The following COX11 variants were observed in gnomAD, a reference collection of about 807,000 sequenced individuals.
The protein encoded by COX11 is cytochrome c oxidase copper chaperone COX11, also known as cytochrome c oxidase assembly protein COX11, mitochondrial.
Under a neutral mutation model 29.4 loss-of-function variants are expected in COX11, and 18 were observed. The observed-to-expected ratio is 0.61, with a 90% CI of 0.42 to 0.91. The LOEUF is 0.91. COX11 is among the 40% of genes least tolerant of loss of function. The pLI is 0.00. For missense variants in COX11, 312 were observed against 346.0 expected (o/e 0.90, Z 0.78); for synonymous variants, 131 against 124.0 (o/e 1.06, Z -0.38).
exon 1 of COX11, chr17:54,955,145 T>G (rs2049431982): frequency 6.6e-6 from 1 of 152,196 alleles, no homozygotes; most frequent in Non-Finnish European, 1.5e-5. Context: ...ACAACTCAGC[T>G]TGAATACTTC....
chr17:54,963,150 T>C (rs2077159651), intron 3 of COX11, 156 bp downstream of exon 3: 1 of 881,610 alleles, frequency 1.1e-6, no homozygotes, highest in Admixed American at 3.1e-5. Flanking sequence ...TGGTTCTCAA[T>C]CTCTGCATAG....
chr17:54,968,746 C>G, upstream of COX11: 1 of 1,402,260 alleles, frequency 7.1e-7, no homozygotes, highest in African/African-American at 1.4e-5. Flanking sequence ...CTGCCGCTGC[C>G]TTGGCTACCA....
intron 1 of COX11, among the ~76,000 whole-genome samples, chr17:54,966,874 AAAG>A (rs1221740223): frequency 6.6e-6 from 1 of 152,114 alleles, no homozygotes; most frequent in African/African-American, 2.4e-5. Flanking sequence ...TCATCATCTA[AAAG>A]AAAGGTAAAT....
At chr17:54,956,447 AAGCATGTGCCAC>A (rs1389977513), downstream of COX11, among the ~76,000 whole-genome samples, 2 of 151,956 alleles carry the variant, frequency 1.3e-5, no homozygotes, top group Admixed American at 1.3e-4. Context: ...TGGGGACTAC[AAGCATGTGCCAC>A]CACGCCTGGC....
In COX11 at chr17:54,960,476, C is replaced by A; in HGVS notation, c.*2257G>T. 2 of 933,430 alleles carry A rather than the reference C, an allele frequency of 2.1e-6. No individual in the cohort carries two copies. Among genetic ancestry groups the A allele is most frequent in the Admixed American group, 1.8e-5 (1 of 56,426 alleles). The allele number at this position is 933,430 out of a possible 1,614,324, so 57.8% of individuals were successfully genotyped here. On this transcript the variant is annotated 3_prime_UTR_variant, in exon 4 of 4. Coordinates refer to ENST00000299335, the MANE Select transcript of COX11 (RefSeq NM_004375.5). ...TGTAGCCTGAACTCCAAAACCAGCT[C>A]AATTTTTAATTACAGTGCTGGCAGT...
At chr17:54,964,305 C>T (rs1424097729) in intron 2 of COX11, among the ~76,000 whole-genome samples, 1 of 152,100 alleles carries the variant, frequency 6.6e-6, no homozygotes, top group East Asian at 1.9e-4. Flanking sequence ...TGATATAAAC[C>T]AGTAAACTAC....
chr17:54,953,383 C>G (rs1448814913), exon 1 of COX11: 1 of 152,256 alleles, frequency 6.6e-6, no homozygotes, highest in African/African-American at 2.4e-5. Context: ...GAAAAAAAAT[C>G]CAACTGGTTG....
chr17:54,968,627 G>C lies in COX11; in HGVS notation c.20C>G (p.Pro7Arg). The change falls in exon 1 of 4, where the codon CCT (proline) becomes CGT (arginine). Residue 7 changes from proline (P) to arginine (R), a missense_variant. By Grantham distance (103) the Pro-to-Arg change is moderately radical. Coordinates refer to ENST00000299335, the MANE Select transcript of COX11 (RefSeq NM_004375.5). The part of the protein sequence containing the change: MGGLWR[P>R]GWRCVPFCGW... ...ACAGAAAGGAACGCACCTCCATCCA[G>C]GACGCCAGAGCCCTCCCATAACCCT... 6.2e-7 allele frequency: 1 copy of C among 1,612,664 alleles called. No individual in the cohort carries two copies. Among genetic ancestry groups the C allele is most frequent in the Non-Finnish European group, 8.5e-7 (1 of 1,179,984 alleles).
Position 54,960,534 on chromosome 17 carries a change from A to C in COX11, c.*2199T>G. 6 of 1,587,838 alleles carry C rather than the reference A, an allele frequency of 3.8e-6. No individual in the cohort carries two copies. Among genetic ancestry groups the C allele is most frequent in the African/African-American group, 1.3e-5 (1 of 74,448 alleles). ...CAAAATAGCACTTTGAAATTGATAC[A>C]TAACCCTTTTGCTGTGATGGCTTTG... is the stretch of plus-strand genomic sequence containing the variant. On this transcript the variant is annotated 3_prime_UTR_variant, in exon 4 of 4. Coordinates refer to ENST00000299335, the MANE Select transcript of COX11 (RefSeq NM_004375.5).
chr17:54,965,718 C>A (rs575633639), intron 1 of COX11, among the ~76,000 whole-genome samples: 1 of 152,028 alleles, frequency 6.6e-6, no homozygotes, highest in East Asian at 1.9e-4. Flanking sequence ...AGTCCCAGGT[C>A]TACTCGGGAG....
chr17:54,967,305 G>A (rs1598117402), intron 1 of COX11, among the ~76,000 whole-genome samples: 1 of 152,094 alleles, frequency 6.6e-6, no homozygotes, highest in Non-Finnish European at 1.5e-5. Flanking sequence ...AACACTTACT[G>A]AATCACTTGT....
At position 54,960,795 on chromosome 17, in the gene COX11, TGA is replaced by T. The variant is rs1386399203; in HGVS notation, c.*1936_*1937del. The stretch of plus-strand genomic sequence containing the variant: ...ATTGTGCTGAACCATTGTTCACTAA[TGA>T]GAGTCATTCTTTGTGATTTTCTCAT... On this transcript the variant is annotated 3_prime_UTR_variant, in exon 4 of 4. Transcript: ENST00000299335. 9.2e-5 allele frequency among the ~76,000 whole-genome samples: 14 copies of T among 152,222 alleles called. No homozygotes were observed. Among genetic ancestry groups the T allele is most frequent in the South Asian group, 2.1e-4 (1 of 4,838 alleles).
At chr17:54,968,751 C>T (rs1284951839), upstream of COX11, 4 of 1,353,906 alleles carry the variant, frequency 3.0e-6, no homozygotes, top group African/African-American at 1.5e-5. Flanking sequence ...GCTGCCTTGG[C>T]TACCAGGCTC....
At chr17:54,955,164 T>A (rs938192605), upstream of COX11, 1 of 152,192 alleles carries the variant, frequency 6.6e-6, no homozygotes, top group Non-Finnish European at 1.5e-5. Context: ...TCTGGTCCTC[T>A]TTGCTGGCCA....
chr17:54,962,551 G>A lies in COX11; in HGVS notation c.*182C>T. On this transcript the variant is annotated 3_prime_UTR_variant, in exon 4 of 4. Coordinates refer to ENST00000299335, the MANE Select transcript of COX11 (RefSeq NM_004375.5). ...AGTCATATATTCTAGCTAGGCATAT[G>A]AGTTTCTTATGATAAAAGCTGAACT... is the stretch of plus-strand genomic sequence containing the variant. 2 of 1,319,182 alleles carry A rather than the reference G, an allele frequency of 1.5e-6. No homozygotes were observed. The highest frequency in any genetic ancestry group is 1.9e-6 in the Non-Finnish European group (2 of 1,037,994). The allele number at this position is 1,319,182 out of a possible 1,614,324, so 81.7% of individuals were successfully genotyped here.
chr17:54,959,389 G>A (rs1230684268), downstream of COX11: 1 of 152,172 alleles, frequency 6.6e-6, no homozygotes, highest in African/African-American at 2.4e-5. Flanking sequence ...GAAGTGGAAG[G>A]ATCACTTGAA....
chr17:54,968,294 C>A lies in COX11; in HGVS notation c.353G>T (p.Arg118Leu). 1 of 1,612,440 alleles carries A rather than the reference C, an allele frequency of 6.2e-7. No homozygotes were observed. The highest frequency in any genetic ancestry group is 1.1e-5 in the South Asian group (1 of 91,042). Reference sequence around the variant, plus strand: ...GCCGGCCCCTACCTGGCAATAGAGCCGATAAAGGGGTACGGCAGCGTAGGA... The same window carrying A: ...GCCGGCCCCTACCTGGCAATAGAGCAGATAAAGGGGTACGGCAGCGTAGGA... ...GASYAAVPLY[R>L]LYCQTTGLGG... Residue 118 changes from arginine to leucine, a missense_variant, in exon 1 of 4, where the codon CGG becomes CTG. Arg to Leu is a moderately radical substitution (Grantham distance 102). Coordinates refer to ENST00000299335, the MANE Select transcript of COX11 (RefSeq NM_004375.5).
chr17:54,959,499 T>A (rs2077054412), downstream of COX11: 1 of 151,460 alleles, frequency 6.6e-6, no homozygotes. Flanking sequence ...GAAAAACGAA[T>A]GAAGGATGTC....
intron 1 of COX11, among the ~76,000 whole-genome samples, chr17:54,966,423 T>C (rs540780714): frequency 6.6e-6 from 1 of 152,330 alleles, no homozygotes; most frequent in South Asian, 2.1e-4. Flanking sequence ...TATTATCAGT[T>C]ATTTCAGTTT....
Sources: gnomAD v4.1 joint callset for allele counts (sites outside exome capture counted in the v4.1 genomes callset) on GRCh38, gnomAD v4.1.1 for gene constraint, MANE v1.5 for transcripts, NCBI Gene and HGNC (gene_info 2026-07-23, HGNC 2026-07-21) for gene names.